TTC34: variants seen among roughly 807,000 people sequenced by gnomAD.
TTC34 encodes the protein tetratricopeptide repeat protein 34.
In TTC34, 44 loss-of-function variants were observed where a neutral mutation model predicts 40.7. The ratio of observed to expected loss-of-function variants is 1.08; its 90% CI spans 0.85 to 1.39. The LOEUF (loss-of-function observed/expected upper bound fraction) is 1.39, where lower values mean the gene tolerates loss of function less well. Ranked by LOEUF, TTC34 falls within the 40% of genes most tolerant of loss-of-function variation. TTC34 has a pLI of 0.00. For synonymous variants in TTC34, 422 were observed against 398.6 expected, an observed-to-expected ratio of 1.06 and a Z score of -0.70; for missense variants, 884 against 838.0, an observed-to-expected ratio of 1.05 and a Z score of -0.68.
At chr1:2,694,954 C>T (rs551319444) in intron 6 of TTC34, among the ~76,000 whole-genome samples, 1 of 150,802 alleles carries the variant, frequency 6.6e-6, no homozygotes, top group Non-Finnish European at 1.5e-5. Flanking sequence ...ACCCACACCC[C>T]CAGGTGAGCA....
chr1:2,694,065 C>A (rs1257324520), intron 6 of TTC34, among the ~76,000 whole-genome samples: 3 of 140,746 alleles, frequency 2.1e-5, no homozygotes, highest in African/African-American at 8.0e-5. Flanking sequence ...ACAGCACCCA[C>A]ACACCCAGGT....
chr1:2,768,415 C>T (rs1417662273), intron 6 of TTC34, among the ~76,000 whole-genome samples: 1 of 151,774 alleles, frequency 6.6e-6, no homozygotes, highest in East Asian at 2.0e-4. Context: ...CAACACCCTC[C>T]ACCCCCAGGT....
At chr1:2,651,075 G>C (rs1639120575) in intron 6 of TTC34, among the ~76,000 whole-genome samples, 1 of 151,850 alleles carries the variant, frequency 6.6e-6, no homozygotes, top group African/African-American at 2.4e-5. Flanking sequence ...ACACCCCCAG[G>C]TAAGCATCAG....
intron 6 of TTC34, among the ~76,000 whole-genome samples, chr1:2,685,880 C>A (rs1313408626): frequency 3.4e-4 from 44 of 130,718 alleles, no homozygotes; most frequent in Admixed American, 1.8e-3. Context: ...CACCCTGCAC[C>A]CCCAGGTGAG....
exon 9 of TTC34, chr1:2,637,025 C>G (rs896718207): frequency 3.9e-5 from 6 of 152,220 alleles, no homozygotes; most frequent in African/African-American, 1.4e-4. Context: ...AGAGACGGAA[C>G]AGCTCTCAGC....
exon 9 of TTC34, chr1:2,637,059 C>T (rs1356908335): frequency 6.6e-6 from 1 of 152,180 alleles, no homozygotes; most frequent in Non-Finnish European, 1.5e-5. Context: ...ACGGGTGGTT[C>T]CCGACCTGAA....
At chr1:2,771,695 C>T (rs1569794838) in intron 6 of TTC34, among the ~76,000 whole-genome samples, 1 of 112,980 alleles carries the variant, frequency 8.9e-6, no homozygotes, top group Admixed American at 7.9e-5. Flanking sequence ...CCCAGGTGAG[C>T]ATCTGACAGC....
intron 6 of TTC34, among the ~76,000 whole-genome samples, chr1:2,695,642 G>T (rs1286100910): frequency 8.5e-6 from 1 of 118,020 alleles, no homozygotes; most frequent in Non-Finnish European, 1.9e-5. Flanking sequence ...ACACCAACAG[G>T]TGAGCATCTG....
At chr1:2,685,014 G>C (rs1156464980) in intron 6 of TTC34, among the ~76,000 whole-genome samples, 1 of 145,148 alleles carries the variant, frequency 6.9e-6, no homozygotes, top group Non-Finnish European at 1.5e-5. Flanking sequence ...GCGAGCATCT[G>C]ACAGCATGTA....
Position 2,769,638 on chromosome 1 carries a change from T to G in TTC34, c.2226+13971A>C, listed in dbSNP as rs1377526173. ...CTGGAACAGCACCCACACCCCCAGG[T>G]GAGCATCTGACAGCCTGGAGCAGCA... On this transcript the variant is annotated intron_variant, in intron 6 of 8. Coordinates refer to ENST00000401095, the Ensembl canonical transcript of TTC34. 8.2e-4 allele frequency among the ~76,000 whole-genome samples: 96 copies of G among 117,184 alleles called. 1 individual carries two copies. The highest frequency in any genetic ancestry group is 1.1e-3 in the Non-Finnish European group (62 of 58,602). 76.9% of individuals were successfully genotyped at this position (117,184 alleles called of 152,430 possible). A position where few individuals can be genotyped will look rare whatever the true frequency, so the allele number is the denominator to read the frequency against.
At chr1:2,699,575 C>T (rs1641034211) in intron 6 of TTC34, among the ~76,000 whole-genome samples, 10 of 145,422 alleles carry the variant, frequency 6.9e-5, no homozygotes, top group African/African-American at 9.9e-5. Flanking sequence ...CACCCACACC[C>T]CCAGGTGAGC....
At chr1:2,687,462 G>C (rs531464002) in intron 6 of TTC34, among the ~76,000 whole-genome samples, 1 of 147,720 alleles carries the variant, frequency 6.8e-6, no homozygotes, top group African/African-American at 2.6e-5. Context: ...GTGAGCATCC[G>C]ACAGCCTGGA....
intron 6 of TTC34, 122 bp downstream of exon 6, chr1:2,783,487 G>T: frequency 9.7e-7 from 1 of 1,034,496 alleles, no homozygotes; most frequent in Non-Finnish European, 1.3e-6. Context: ...CATGGGTTTT[G>T]ATGGGCATCT....
At chr1:2,652,468 T>A (rs1236684624) in intron 6 of TTC34, among the ~76,000 whole-genome samples, 34 of 91,836 alleles carry the variant, frequency 3.7e-4, no homozygotes, top group Middle Eastern at 5.6e-3. Flanking sequence ...TCCGACAGCC[T>A]GGAGCAGAAC....
chr1:2,685,437 ACT>A, intron 6 of TTC34, among the ~76,000 whole-genome samples: 1 of 134,858 alleles, frequency 7.4e-6, no homozygotes, highest in Admixed American at 7.4e-5. Flanking sequence ...CAGCGCCCAC[ACT>A]GCAGGGCGAG....
In TTC34 at chr1:2,683,445, A is replaced by C. The variant is rs1439869089; in HGVS notation, c.2227-37882T>G. Among the ~76,000 whole-genome samples, 12 of 149,532 alleles carry C rather than the reference A, an allele frequency of 8.0e-5. 1 individual carries two copies. Among genetic ancestry groups the C allele is most frequent in the Admixed American group, 2.0e-4 (3 of 14,864 alleles). On this transcript the variant is annotated intron_variant, in intron 6 of 8. Transcript: ENST00000401095. Reference sequence around the variant, plus strand: ...CACCACCCTTCACCCCCAGGTGAGCATCCGACAGCCTGGAGCAGCACCCAC... The same window carrying C: ...CACCACCCTTCACCCCCAGGTGAGCCTCCGACAGCCTGGAGCAGCACCCAC...
intron 6 of TTC34, among the ~76,000 whole-genome samples, chr1:2,653,186 A>G (rs903636173): frequency 5.4e-4 from 77 of 143,166 alleles, no homozygotes; most frequent in Admixed American, 7.1e-4. Context: ...AGCATCTGAC[A>G]GCCTGGAACA....
intron 5 of TTC34, 81 bp downstream of exon 5, chr1:2,785,738 C>T (rs1014467286): frequency 8.3e-6 from 12 of 1,444,690 alleles, no homozygotes; most frequent in Middle Eastern, 5.0e-4. Flanking sequence ...CGTGTCCCCA[C>T]CAACCAGCAT....
chr1:2,698,594 A>G (rs1194140007), intron 6 of TTC34, among the ~76,000 whole-genome samples: 1 of 82,684 alleles, frequency 1.2e-5, no homozygotes, highest in Non-Finnish European at 2.5e-5. Context: ...GACAGCCTGG[A>G]ACAGCACCCA....
Sources: allele counts gnomAD v4.1 joint callset (sites outside exome capture counted in the v4.1 genomes callset), GRCh38; gene constraint gnomAD v4.1.1; transcripts MANE v1.5; gene names NCBI Gene and HGNC (gene_info 2026-07-23, HGNC 2026-07-21).